SFPQ: variants seen among roughly 807,000 people sequenced by gnomAD.
SFPQ encodes splicing factor proline and glutamine rich.
SFPQ carries 11 observed loss-of-function variants against 72.9 expected under a neutral mutation model. The ratio of observed to expected loss-of-function variants is 0.15; its 90% CI spans 0.09 to 0.25. The LOEUF is 0.25. SFPQ is among the 10% of genes least tolerant of loss of function. The pLI is 1.00. For synonymous variants in SFPQ, 506 were observed against 367.3 expected, an observed-to-expected ratio of 1.38 and a Z score of -4.32; for missense variants, 847 against 993.3, an observed-to-expected ratio of 0.85 and a Z score of 1.98.
In SFPQ at chr1:35,183,478, A is replaced by G; in HGVS notation, c.*978T>C. 1.3e-6 allele frequency: 1 copy of G among 791,820 alleles called. No individual in the cohort carries two copies. The highest frequency in any genetic ancestry group is 1.5e-6 in the Non-Finnish European group (1 of 645,812). The allele number at this position is 791,820 out of a possible 1,614,324, so 49.0% of individuals were successfully genotyped here. A position where few individuals can be genotyped will look rare whatever the true frequency, so the allele number is the denominator to read the frequency against. ...ATGATTTGCCCACCTCAGCCTCCCA[A>G]AGTGCTGGGATTACAGGCGTGAGCC... On this transcript the variant is annotated 3_prime_UTR_variant, in exon 10 of 10. Coordinates refer to ENST00000357214, the MANE Select transcript of SFPQ (RefSeq NM_005066.3).
Position 35,192,708 on chromosome 1 carries a change from T to C in SFPQ, c.342A>G (p.Gly114=), listed in dbSNP as rs529624211. The C allele has an allele frequency of 1.4e-6, 2 of 1,456,376 alleles. No homozygotes were observed. Among genetic ancestry groups the C allele is most frequent in the Admixed American group, 2.5e-5 (1 of 40,428 alleles). 90.2% of individuals were successfully genotyped at this position (1,456,376 alleles called of 1,614,324 possible). A position where few individuals can be genotyped will look rare whatever the true frequency, so the allele number is the denominator to read the frequency against. Residue 114 remains glycine (G), a synonymous_variant, in exon 1 of 10, where the codon GGA becomes GGG. Coordinates refer to ENST00000357214, the MANE Select transcript of SFPQ (RefSeq NM_005066.3). ...TGCCTACTCCGGGAGCGGGGCCGGG[T>C]CCCTGAGCAACGACGGGCTTGGAAG... ...QDSSKPVVAQ[G]PGPAPGVGSA...
At chr1:35,181,468 T>C (rs1639462802), downstream of SFPQ, 1 of 1,063,576 alleles carries the variant, frequency 9.4e-7, no homozygotes, top group Admixed American at 5.4e-5. Context: ...AATACATCTA[T>C]AAAGAGTGGT....
rs763412068 is a variant in SFPQ, at chr1:35,190,532, C to G, written c.1381G>C (p.Glu461Gln). The G allele has an allele frequency of 6.2e-7, 1 of 1,613,814 alleles. No homozygotes were observed. Among genetic ancestry groups the G allele is most frequent in the Non-Finnish European group, 8.5e-7 (1 of 1,179,832 alleles). ...ATTGGATTCTTCTGGGCAAGTTTTT[C>G]AGGAAGACCATCTTCATCATCTAGT... ...EQLDDEDGLP[E>Q]KLAQKNPMYQ... Residue 461 changes from glutamate to glutamine, a missense_variant, in exon 4 of 10, where the codon GAA becomes CAA. Around this residue, in one of 6 missense-constraint regions of SFPQ, gnomAD observed 132 missense variants for 255.4 expected, o/e 0.52. Transcript: ENST00000357214.
intron 4 of SFPQ, among the ~76,000 whole-genome samples, chr1:35,190,174 C>G (rs1161900009): frequency 6.6e-6 from 1 of 152,154 alleles, no homozygotes; most frequent in East Asian, 1.9e-4. Flanking sequence ...GCAGGAGAAT[C>G]GCTTGAACCT....
At chr1:35,181,932 A>T, downstream of SFPQ, 1 of 985,242 alleles carries the variant, frequency 1.0e-6, no homozygotes, top group Non-Finnish European at 1.2e-6. Flanking sequence ...AAACTAAGCA[A>T]CATTATTTGC....
chr1:35,187,529 A>G (rs1368420049), intron 7 of SFPQ, among the ~76,000 whole-genome samples: 1 of 152,200 alleles, frequency 6.6e-6, no homozygotes, highest in Non-Finnish European at 1.5e-5. Flanking sequence ...TCAGGAGTTC[A>G]AGACCAGCCT....
At chr1:35,179,352 C>T, downstream of SFPQ, 2 of 1,057,434 alleles carry the variant, frequency 1.9e-6, no homozygotes, top group Non-Finnish European at 2.3e-6. Context: ...TGCAACCTTG[C>T]ATGAAGAGCA....
At position 35,192,246 on chromosome 1, in the gene SFPQ, G is replaced by A. The variant is rs1184223371; in HGVS notation, c.804C>T (p.Ser268=). ...CCTCCGAGTCCGAGATCTTCTCCTC[G>A]CTGCGGCCGCCGGGCCCGCCGGGCG... ...GPPPGGPGGR[S]EEKISDSEGF... The change falls in exon 1 of 10, where the codon AGC becomes AGT. Residue 268 remains serine (S), a synonymous_variant. Transcript: ENST00000357214. 2.7e-5 allele frequency: 39 copies of A among 1,462,698 alleles called. No individual in the cohort carries two copies. In the African/African-American group the frequency reaches 4.7e-4, roughly 18 times the overall value. The allele number at this position is 1,462,698 out of a possible 1,614,324, so 90.6% of individuals were successfully genotyped here. A position where few individuals can be genotyped will look rare whatever the true frequency, so the allele number is the denominator to read the frequency against.
intron 1 of SFPQ, 94 bp downstream of exon 1, chr1:35,192,128 G>C: frequency 9.2e-7 from 1 of 1,085,598 alleles, no homozygotes; most frequent in South Asian, 3.8e-5. Flanking sequence ...CCTTCCGGCA[G>C]CCGACAAAAT....
chr1:35,188,713 T>C (rs953966337), intron 6 of SFPQ, among the ~76,000 whole-genome samples: 1 of 152,042 alleles, frequency 6.6e-6, no homozygotes, highest in African/African-American at 2.4e-5. Context: ...TCCTAGCACT[T>C]TGGGAGGCAG....
chr1:35,181,258 T>C (rs1639453185), downstream of SFPQ: 1 of 1,065,808 alleles, frequency 9.4e-7, no homozygotes, highest in Non-Finnish European at 1.1e-6. Flanking sequence ...GCTGGCTAAA[T>C]GCAGTTATGT....
chr1:35,185,127 G>A (rs1045617238), intron 9 of SFPQ, among the ~76,000 whole-genome samples: 1 of 152,002 alleles, frequency 6.6e-6, no homozygotes, highest in Non-Finnish European at 1.5e-5. Flanking sequence ...ATCTTAAAAG[G>A]TTGAAAGTTT....
rs979655697 is a variant in SFPQ at position 35,183,286 on chromosome 1, T to G, written c.*1170A>C. The G allele has an allele frequency of 3.8e-5, 19 of 502,912 alleles. No homozygotes were observed. The highest frequency in any genetic ancestry group is 1.7e-3 in the Middle Eastern group (2 of 1,144). The allele number at this position is 502,912 out of a possible 1,614,324, so 31.2% of individuals were successfully genotyped here. A position where few individuals can be genotyped will look rare whatever the true frequency, so the allele number is the denominator to read the frequency against. On this transcript the variant is annotated 3_prime_UTR_variant, in exon 10 of 10. Transcript: ENST00000357214. ...TCCAGGCTGGAGTGCAGTGGCAGTC[T>G]CAGCTCACTGCAACCTCCATCTCCA...
At position 35,184,118 on chromosome 1, in the gene SFPQ, T is replaced by C. The variant is rs996604276; in HGVS notation, c.*338A>G. ...CATGAATGGCAAAGTTGAAGATCAA[T>C]ATTATAACTATTTTTCTATTTATTT... is the stretch of plus-strand genomic sequence containing the variant. On this transcript the variant is annotated 3_prime_UTR_variant, in exon 10 of 10. Transcript: ENST00000357214. 8.8e-7 allele frequency: 1 copy of C among 1,132,268 alleles called. No individual in the cohort carries two copies. Among genetic ancestry groups the C allele is most frequent in the East Asian group, 5.0e-5 (1 of 20,110 alleles). 70.1% of individuals were successfully genotyped at this position (1,132,268 alleles called of 1,614,324 possible). A position where few individuals can be genotyped will look rare whatever the true frequency, so the allele number is the denominator to read the frequency against.
chr1:35,179,119 C>T, downstream of SFPQ: 1 of 1,058,450 alleles, frequency 9.4e-7, no homozygotes, highest in Non-Finnish European at 1.1e-6. Flanking sequence ...TCAGCTAAAG[C>T]CAAAACCAAA....
In SFPQ at chr1:35,190,521, G is replaced by C. The variant is rs773774379; in HGVS notation, c.1392C>G (p.Ala464=). 16 of 1,612,698 alleles carry C rather than the reference G, an allele frequency of 9.9e-6. No individual in the cohort carries two copies. Among genetic ancestry groups the C allele is most frequent in the Non-Finnish European group, 1.1e-5 (13 of 1,178,936 alleles). ...ACTTTTGATACATTGGATTCTTCTG[G>C]GCAAGTTTTTCAGGAAGACCATCTT... ...DDEDGLPEKL[A]QKNPMYQKER... is the part of the protein sequence containing the mutation. The change falls in exon 4 of 10, where the codon GCC becomes GCG. Residue 464 remains alanine, a synonymous_variant. Coordinates refer to ENST00000357214, the MANE Select transcript of SFPQ (RefSeq NM_005066.3).
At chr1:35,180,318 A>G (rs1639415875), downstream of SFPQ, 1 of 1,044,212 alleles carries the variant, frequency 9.6e-7, no homozygotes, top group Non-Finnish European at 1.2e-6. Flanking sequence ...GTGCTTTTGA[A>G]GACTTAGGTT....
At chr1:35,191,023 G>GA (rs1412790960) in intron 2 of SFPQ, 28 bp from the exon 3 acceptor site, 1 of 1,588,896 alleles carries the variant, frequency 6.3e-7, no homozygotes, top group South Asian at 1.1e-5. Flanking sequence ...TCATGTTAAT[G>GA]ACCTCAAAAT....
chr1:35,176,602 G>C (rs1255959826), intron 5 of SFPQ: 1 of 152,180 alleles, frequency 6.6e-6, no homozygotes, highest in Non-Finnish European at 1.5e-5. Context: ...TGGCGCAGTG[G>C]CTCACGCCTG....
Sources: gnomAD v4.1 joint callset for allele counts (sites outside exome capture counted in the v4.1 genomes callset) on GRCh38, gnomAD v4.1.1 for gene constraint, gnomAD v4.1.1 regional missense constraint, MANE v1.5 for transcripts, NCBI Gene and HGNC (gene_info 2026-07-23, HGNC 2026-07-21) for gene names.